Variants in TIAM1 observed in about 807,000 individuals in gnomAD.
The protein encoded by TIAM1 is TIAM Rac1 associated GEF 1, also known as rho guanine nucleotide exchange factor TIAM1.
Under a neutral mutation model 163.5 loss-of-function variants are expected in TIAM1, and 65 were observed. The observed-to-expected ratio is 0.40, with a 90% CI of 0.33 to 0.49. The LOEUF (loss-of-function observed/expected upper bound fraction) is 0.49. Ranked by LOEUF, TIAM1 falls within the 20% of genes least tolerant of loss-of-function variation. The pLI is 0.77. For missense variants in TIAM1, 1,789 were observed against 2,044.7 expected (o/e 0.87, Z 2.41); for synonymous variants, 833 against 810.1 (o/e 1.03, Z -0.48).
chr21:31,145,379 C>T (rs572075332), intron 20 of TIAM1, among the ~76,000 whole-genome samples: 3 of 152,282 alleles, frequency 2.0e-5, no homozygotes, highest in East Asian at 3.9e-4. Flanking sequence ...TTTACATATC[C>T]GGGGACCTGA....
At position 31,126,711 on chromosome 21, in the gene TIAM1, A is replaced by G. The variant is rs138886723; in HGVS notation, c.4133+354T>C. On this transcript the variant is annotated intron_variant, in intron 26 of 27. Transcript: ENST00000541036. ...AAAAGAATAGGTTTCATATGGGAGA[A>G]GACCTCAAATTCTCATGGCGGAGGG... Among the ~76,000 whole-genome samples the G allele has an allele frequency of 4.5e-3, 690 of 152,296 alleles. 2 individuals carry two copies. Among genetic ancestry groups the G allele is most frequent in the African/African-American group, 0.016 (646 of 41,550 alleles).
intron 3 of TIAM1, among the ~76,000 whole-genome samples, chr21:31,274,939 T>A (rs1425308186): frequency 2.1e-5 from 3 of 141,572 alleles, no homozygotes; most frequent in Non-Finnish European, 4.5e-5. Flanking sequence ...TGAAACCCTA[T>A]CTCTACTAAA....
At chr21:31,223,674 T>A in intron 7 of TIAM1, 83 bp from the exon 8 acceptor site, 1 of 1,362,112 alleles carries the variant, frequency 7.3e-7, no homozygotes, top group Non-Finnish European at 9.8e-7. Flanking sequence ...CAGATCTATA[T>A]GTCGTAAAGG....
intron 6 of TIAM1, among the ~76,000 whole-genome samples, chr21:31,231,603 T>A (rs997014847): frequency 1.3e-5 from 2 of 152,278 alleles, no homozygotes; most frequent in East Asian, 3.9e-4. Flanking sequence ...TATATTTAAT[T>A]TCGGCAAAGC....
chr21:31,213,678 T>C (rs1020005410), intron 9 of TIAM1, among the ~76,000 whole-genome samples: 3 of 148,800 alleles, frequency 2.0e-5, no homozygotes, highest in African/African-American at 7.8e-5. Flanking sequence ...CTTCCCTACG[T>C]GTTTGACAGT....
chr21:31,210,133 G>A lies in TIAM1; in HGVS notation c.2300C>T (p.Ser767Phe), dbSNP rs1292859242. ...DIWVHEYFTP[S>F]WFCLPNNQPA... ...CTGATTATTGGGCAGACAGAACCAG[G>A]ATGGAGTGAAATACTCGTGGACCCA... Residue 767 changes from serine (S) to phenylalanine (F), a missense_variant, in exon 11 of 28, where the codon TCC becomes TTC. By Grantham distance (155) the Ser-to-Phe change is radical. Around this residue, in one of 5 missense-constraint regions of TIAM1, gnomAD observed 456 missense variants for 586.6 expected, o/e 0.78. Coordinates refer to ENST00000541036, the MANE Select transcript of TIAM1 (RefSeq NM_001353694.2). The A allele has an allele frequency of 6.2e-7, 1 of 1,614,216 alleles. No homozygotes were observed. Among genetic ancestry groups the A allele is most frequent in the Non-Finnish European group, 8.5e-7 (1 of 1,180,046 alleles).
At chr21:31,315,820 A>G (rs1050207352) in intron 2 of TIAM1, among the ~76,000 whole-genome samples, 7 of 151,658 alleles carry the variant, frequency 4.6e-5, no homozygotes, top group Non-Finnish European at 1.0e-4. Context: ...TCTCTACTAA[A>G]AATACAAAAA....
At chr21:31,374,223 G>A (rs1189803787) in intron 2 of TIAM1, among the ~76,000 whole-genome samples, 1 of 152,194 alleles carries the variant, frequency 6.6e-6, no homozygotes, top group Non-Finnish European at 1.5e-5. Context: ...GGCACAGCTG[G>A]TGTGCAGCGG....
At chr21:31,487,853 G>A (rs978181843) in intron 1 of TIAM1, among the ~76,000 whole-genome samples, 5 of 152,034 alleles carry the variant, frequency 3.3e-5, no homozygotes, top group Non-Finnish European at 7.4e-5. Context: ...CACCGCGCCC[G>A]GCCTTTTTTT....
intron 13 of TIAM1, among the ~76,000 whole-genome samples, chr21:31,192,250 AG>A (rs1284946757): frequency 2.6e-5 from 4 of 152,186 alleles, no homozygotes; most frequent in African/African-American, 9.7e-5. Flanking sequence ...GGTGGCCTAC[AG>A]GGGAAGGTGC....
chr21:31,178,432 G>A (rs910500825), intron 15 of TIAM1, among the ~76,000 whole-genome samples: 8 of 146,838 alleles, frequency 5.4e-5, no homozygotes, highest in Non-Finnish European at 4.5e-5. Flanking sequence ...TCAGTCTGCC[G>A]AGTAGCTGGG....
At chr21:31,342,263 A>G (rs2076042620) in intron 1 of TIAM1, among the ~76,000 whole-genome samples, 1 of 152,142 alleles carries the variant, frequency 6.6e-6, no homozygotes, top group Non-Finnish European at 1.5e-5. Flanking sequence ...TGGGCAACAG[A>G]GCAAGACTCC....
intron 2 of TIAM1, among the ~76,000 whole-genome samples, chr21:31,431,869 G>A (rs1045122374): frequency 6.6e-6 from 1 of 152,054 alleles, no homozygotes; most frequent in Non-Finnish European, 1.5e-5. Flanking sequence ...AATCTTATGG[G>A]ACCACCATCA....
intron 1 of TIAM1, among the ~76,000 whole-genome samples, chr21:31,482,243 C>T (rs144786384): frequency 0.019 from 2,859 of 152,106 alleles, 83 homozygotes; most frequent in African/African-American, 0.064. Flanking sequence ...CCTCCATCTC[C>T]CAGGTTCAAG....
chr21:31,181,723 A>ATGTGATTC (rs966189366), intron 15 of TIAM1, among the ~76,000 whole-genome samples: 1 of 104,148 alleles, frequency 9.6e-6, no homozygotes, highest in Non-Finnish European at 1.9e-5. Flanking sequence ...TCAGCATCTT[A>ATGTGATTC]TGTGATTCCC....
rs1293741725 is a variant in TIAM1, at chr21:31,365,382, T to TC, written c.-368-25961dup. 1.1e-4 allele frequency among the ~76,000 whole-genome samples: 16 copies of TC among 146,598 alleles called. No individual in the cohort carries two copies. In the East Asian group the frequency reaches 3.2e-3, roughly 30 times the overall value. On this transcript the variant is annotated intron_variant, in intron 2 of 28. Transcript: ENST00000286827. ...TGGCAGGGTCTGTGTCTCACTTATTTCTTTCTTTTTTTTTTTTTTTTTTTG... is the reference window on the plus strand; with the variant it reads ...TGGCAGGGTCTGTGTCTCACTTATTTCCTTTCTTTTTTTTTTTTTTTTTTTG...
intron 2 of TIAM1, among the ~76,000 whole-genome samples, chr21:31,291,676 C>T (rs1344130031): frequency 6.6e-6 from 1 of 152,240 alleles, no homozygotes; most frequent in Non-Finnish European, 1.5e-5. Context: ...GCATGCGCTA[C>T]AACACCTGGC....
chr21:31,359,735 G>A (rs972878249), intron 2 of TIAM1, among the ~76,000 whole-genome samples: 2 of 151,008 alleles, frequency 1.3e-5, no homozygotes, highest in Admixed American at 6.6e-5. Flanking sequence ...GTTGCAACAA[G>A]TCGAGATCAC....
chr21:31,400,995 C>A (rs1419580920), intron 2 of TIAM1, among the ~76,000 whole-genome samples: 1 of 151,978 alleles, frequency 6.6e-6, no homozygotes, highest in African/African-American at 2.4e-5. Flanking sequence ...GGAGGCTGGG[C>A]AACAAGAGCA....
Sources: allele counts gnomAD v4.1 joint callset (sites outside exome capture counted in the v4.1 genomes callset), GRCh38; gene constraint gnomAD v4.1.1; regional missense constraint gnomAD v4.1.1; transcripts MANE v1.5; gene names NCBI Gene and HGNC (gene_info 2026-07-23, HGNC 2026-07-21).